The following CCDC149 variants were observed in gnomAD, a reference collection of about 807,000 sequenced individuals.
CCDC149 encodes the protein coiled-coil domain-containing protein 149.
Under a neutral mutation model 59.9 loss-of-function variants are expected in CCDC149, and 45 were observed. That is an observed-to-expected ratio of 0.75 (90% CI 0.59 to 0.96). CCDC149 has a LOEUF of 0.96. CCDC149 is among the 40% of genes least tolerant of loss of function. CCDC149 has a pLI of 0.00. For missense variants in CCDC149, 584 were observed against 664.7 expected, an observed-to-expected ratio of 0.88 and a Z score of 1.33; for synonymous variants, 245 against 260.6, an observed-to-expected ratio of 0.94 and a Z score of 0.58.
In CCDC149 at chr4:24,972,169, C is replaced by T. The variant is rs370052041; in HGVS notation, c.-65+7900G>A. Among the ~76,000 whole-genome samples, 30 of 152,304 alleles carry T rather than the reference C, an allele frequency of 2.0e-4. No individual in the cohort carries two copies. The South Asian group carries it at 4.1e-3, about 21-fold the overall frequency. ...CTCAGAATAAATCTCTTCAAACATT[C>T]CACAGAGTTTGACTATTTTCACAGA... On this transcript the variant is annotated intron_variant, in intron 1 of 12. Coordinates refer to the CCDC149 transcript ENST00000389609.
At chr4:24,907,248 T>C (rs566067962) in intron 1 of CCDC149, among the ~76,000 whole-genome samples, 1 of 152,312 alleles carries the variant, frequency 6.6e-6, no homozygotes, top group Non-Finnish European at 1.5e-5. Flanking sequence ...GGATCACCTA[T>C]GAGGTAGGTA....
chr4:24,835,199 G>C (rs1716432255), intron 7 of CCDC149, among the ~76,000 whole-genome samples, 167 bp from the exon 8 acceptor site: 1 of 152,274 alleles, frequency 6.6e-6, no homozygotes, highest in African/African-American at 2.4e-5. Flanking sequence ...AATTTTTACG[G>C]CCTGGTAAGA....
chr4:24,919,581 C>A (rs149407568), intron 1 of CCDC149, among the ~76,000 whole-genome samples: 5 of 152,268 alleles, frequency 3.3e-5, no homozygotes, highest in African/African-American at 1.2e-4. Flanking sequence ...TGAAGACTAC[C>A]AAGATGTGGA....
chr4:24,879,643 C>T (rs1273335900), intron 1 of CCDC149, among the ~76,000 whole-genome samples: 1 of 151,254 alleles, frequency 6.6e-6, no homozygotes, highest in Non-Finnish European at 1.5e-5. Flanking sequence ...CAAGATCATG[C>T]CACTGCACTG....
chr4:24,939,334 C>T (rs887847433), intron 1 of CCDC149, among the ~76,000 whole-genome samples: 3 of 152,216 alleles, frequency 2.0e-5, no homozygotes, highest in Non-Finnish European at 4.4e-5. Context: ...GCTGAGGGTC[C>T]TGACTGTTAG....
chr4:24,890,859 T>A (rs1056626341), intron 1 of CCDC149, among the ~76,000 whole-genome samples: 2 of 152,236 alleles, frequency 1.3e-5, no homozygotes, highest in Non-Finnish European at 2.9e-5. Context: ...ATTACTACTT[T>A]AATTATCCAA....
intron 1 of CCDC149, among the ~76,000 whole-genome samples, chr4:24,959,059 C>T (rs1415892397): frequency 6.6e-6 from 1 of 152,112 alleles, no homozygotes; most frequent in African/African-American, 2.4e-5. Flanking sequence ...CTGCAAGCTC[C>T]GCCTCCCGGG....
At chr4:24,871,421 T>C (rs1021375211) in intron 3 of CCDC149, among the ~76,000 whole-genome samples, 2 of 152,154 alleles carry the variant, frequency 1.3e-5, no homozygotes, top group Non-Finnish European at 2.9e-5. Context: ...GCTATCTGCA[T>C]CCACCCATTT....
intron 3 of CCDC149, among the ~76,000 whole-genome samples, chr4:24,870,917 T>G (rs1025111129): frequency 6.6e-6 from 1 of 151,238 alleles, no homozygotes; most frequent in Non-Finnish European, 1.5e-5. Flanking sequence ...TGGTGGCGGG[T>G]GCCTGTAGTC....
intron 4 of CCDC149, among the ~76,000 whole-genome samples, chr4:24,846,717 G>T (rs955068213): frequency 1.5e-4 from 23 of 152,140 alleles, no homozygotes; most frequent in African/African-American, 5.3e-4. Context: ...ATAACATAAA[G>T]CTCATTATTA....
chr4:24,839,026 T>TCACA (rs1160289624), intron 4 of CCDC149, among the ~76,000 whole-genome samples: 7 of 131,750 alleles, frequency 5.3e-5, no homozygotes, highest in African/African-American at 2.0e-4. Flanking sequence ...TCTCTCTCTC[T>TCACA]CTCACACACA....
intron 3 of CCDC149, among the ~76,000 whole-genome samples, chr4:24,858,598 C>A (rs534397845): frequency 1.3e-5 from 2 of 152,228 alleles, no homozygotes; most frequent in South Asian, 4.2e-4. Flanking sequence ...CGGAGAGATT[C>A]AAGGCCGAAA....
rs16876214 is a variant in CCDC149 at position 24,845,074 on chromosome 4, T to C, written c.373-6802A>G. ...TCAGGGCTCTGAAGTCTATGCTGCG[T>C]TGCCTCTCTTCACAACCGTGGCAAC... On this transcript the variant is annotated intron_variant, in intron 4 of 12. Transcript: ENST00000635206. 8.9e-3 allele frequency among the ~76,000 whole-genome samples: 1,363 copies of C among 152,300 alleles called. 17 individuals carry two copies. The highest frequency in any genetic ancestry group is 0.031 in the African/African-American group (1,273 of 41,550).
At chr4:24,929,756 T>C (rs1388519812) in intron 1 of CCDC149, among the ~76,000 whole-genome samples, 2 of 152,234 alleles carry the variant, frequency 1.3e-5, no homozygotes, top group African/African-American at 4.8e-5. Context: ...GCCCTGCTTC[T>C]GAACTCCTGA....
intron 12 of CCDC149, among the ~76,000 whole-genome samples, chr4:24,816,303 G>A (rs569762313): frequency 1.6e-4 from 24 of 152,114 alleles, no homozygotes; most frequent in Middle Eastern, 3.4e-3. Flanking sequence ...TGTTGCCCAG[G>A]CTGGTCTCAA....
In CCDC149 at chr4:24,808,613, CCTTT is replaced by C; in HGVS notation, c.1395_1398del (p.Lys466AsnfsTer16). The C allele has an allele frequency of 6.4e-7, 1 of 1,552,288 alleles. No homozygotes were observed. The highest frequency in any genetic ancestry group is 1.4e-5 in the African/African-American group (1 of 73,158). On this transcript the variant is annotated frameshift_variant, in exon 13 of 13. Transcript: ENST00000635206. LOFTEE classifies it low-confidence loss of function (END_TRUNC). Reference sequence around the variant, plus strand: ...TCTTCCAGTTCTGCAGCTGCCTGTTCCTTTGTCAGTTTAATTATTTCCCTCCCAA... The same window carrying C: ...TCTTCCAGTTCTGCAGCTGCCTGTTCGTCAGTTTAATTATTTCCCTCCCAA...
chr4:24,894,832 G>GA (rs537862727), intron 1 of CCDC149, among the ~76,000 whole-genome samples: 6 of 152,030 alleles, frequency 3.9e-5, no homozygotes, highest in Non-Finnish European at 5.9e-5. Flanking sequence ...AGGCCTTGAA[G>GA]AAAAAAAATC....
At chr4:24,906,579 G>A (rs554346217) in intron 1 of CCDC149, among the ~76,000 whole-genome samples, 91 of 151,624 alleles carry the variant, frequency 6.0e-4, no homozygotes, top group Non-Finnish European at 1.0e-3. Flanking sequence ...TGCATTTTTA[G>A]TAGAGACGAG....
At chr4:24,951,247 G>A (rs1723281937) in intron 1 of CCDC149, among the ~76,000 whole-genome samples, 1 of 152,346 alleles carries the variant, frequency 6.6e-6, no homozygotes, top group Non-Finnish European at 1.5e-5. Flanking sequence ...TTCAGGGCAA[G>A]CTGCCCCGAA....
Sources: gnomAD v4.1 joint callset for allele counts (sites outside exome capture counted in the v4.1 genomes callset) on GRCh38, gnomAD v4.1.1 for gene constraint, MANE v1.5 for transcripts, NCBI Gene and HGNC (gene_info 2026-07-23, HGNC 2026-07-21) for gene names.